The following EFHB variants were observed in gnomAD, a reference collection of about 807,000 sequenced individuals.
EFHB encodes the protein EF-hand domain-containing family member B.
In EFHB, 91 loss-of-function variants were observed where a neutral mutation model predicts 87.2. The observed-to-expected ratio is 1.04, with a 90% CI of 0.88 to 1.24. The LOEUF (loss-of-function observed/expected upper bound fraction) is 1.24, where lower values mean the gene tolerates loss of function less well. EFHB is among the 50% of genes most tolerant of loss of function. The pLI, the probability that EFHB is intolerant of heterozygous loss-of-function variation, is 0.00. For missense variants in EFHB, 1,084 were observed against 998.8 expected (o/e 1.09, Z -1.15); for synonymous variants, 325 against 333.6 (o/e 0.97, Z 0.28).
chr3:19,928,507 C>T (rs559528633), intron 1 of EFHB, among the ~76,000 whole-genome samples: 29 of 152,286 alleles, frequency 1.9e-4, no homozygotes, highest in South Asian at 6.2e-4. Context: ...GACAGTGGTG[C>T]GATCTTGGCT....
chr3:19,888,796 C>T (rs531895694), intron 9 of EFHB, 145 bp from the exon 10 acceptor site: 28 of 682,098 alleles, frequency 4.1e-5, no homozygotes, highest in South Asian at 3.1e-4. Flanking sequence ...GAGTCAAATA[C>T]GCTGGTTAGA....
At chr3:19,927,619 A>G (rs1015854839) in intron 1 of EFHB, among the ~76,000 whole-genome samples, 2 of 152,194 alleles carry the variant, frequency 1.3e-5, no homozygotes, top group African/African-American at 4.8e-5. Context: ...ATCTCTCATT[A>G]AAGTAAGTTC....
chr3:19,901,965 T>A (rs77938057), intron 6 of EFHB, among the ~76,000 whole-genome samples: 2 of 147,828 alleles, frequency 1.4e-5, no homozygotes, highest in Non-Finnish European at 3.0e-5. Context: ...AAAAAAAAAA[T>A]CAGCTCCAAG....
intron 1 of EFHB, among the ~76,000 whole-genome samples, chr3:19,923,102 C>CA (rs950158938): frequency 4.2e-4 from 64 of 151,912 alleles, no homozygotes; most frequent in African/African-American, 1.4e-3. Context: ...CCCGTTGCTA[C>CA]AAAAAAATAT....
chr3:19,924,831 C>T (rs1695562346), intron 1 of EFHB, among the ~76,000 whole-genome samples: 2 of 151,966 alleles, frequency 1.3e-5, no homozygotes, highest in Admixed American at 1.3e-4. Context: ...TGTAACTAAC[C>T]TGCACATTGT....
At chr3:19,886,231 T>C (rs1384048411) in intron 10 of EFHB, among the ~76,000 whole-genome samples, 2 of 152,172 alleles carry the variant, frequency 1.3e-5, no homozygotes, top group African/African-American at 4.8e-5. Context: ...GTAGGGAAGA[T>C]TCTGATGCTT....
chr3:19,901,890 CA>C (rs1305896172), intron 6 of EFHB, among the ~76,000 whole-genome samples: 1 of 150,478 alleles, frequency 6.6e-6, no homozygotes, highest in African/African-American at 2.5e-5. Context: ...GCAGAGGTTG[CA>C]GTGAGCCAAG....
At chr3:19,935,748 A>G (rs1695997669), upstream of EFHB, among the ~76,000 whole-genome samples, 1 of 152,078 alleles carries the variant, frequency 6.6e-6, no homozygotes, top group African/African-American at 2.4e-5. Flanking sequence ...GCAGTGGCTC[A>G]TGCCTGTAAT....
chr3:19,905,035 C>T (rs1341947654), intron 6 of EFHB, among the ~76,000 whole-genome samples: 1 of 152,176 alleles, frequency 6.6e-6, no homozygotes, highest in African/African-American at 2.4e-5. Flanking sequence ...AAAAAGGTCA[C>T]AATTTGAAAA....
intron 5 of EFHB, 72 bp downstream of exon 5, chr3:19,915,231 T>C: frequency 1.1e-6 from 1 of 915,884 alleles, no homozygotes; most frequent in East Asian, 2.5e-5. Context: ...TATGTACCAA[T>C]TTCCTTTATT....
At chr3:19,904,933 G>A (rs777169149) in intron 6 of EFHB, among the ~76,000 whole-genome samples, 1 of 152,104 alleles carries the variant, frequency 6.6e-6, no homozygotes, top group African/African-American at 2.4e-5. Context: ...AAGTTTATGT[G>A]TTGGCTCGGA....
intron 5 of EFHB, among the ~76,000 whole-genome samples, chr3:19,911,804 G>A (rs1209851017): frequency 1.3e-5 from 2 of 151,736 alleles, no homozygotes; most frequent in South Asian, 4.2e-4. Flanking sequence ...AGTCTAAAAG[G>A]GGCAAATCTA....
chr3:19,921,439 G>A (rs1377600670), intron 1 of EFHB, among the ~76,000 whole-genome samples: 1 of 152,004 alleles, frequency 6.6e-6, no homozygotes. Flanking sequence ...AGTGTCTAAT[G>A]TTTTAATATG....
At chr3:19,905,951 C>T (rs995115162) in intron 5 of EFHB, among the ~76,000 whole-genome samples, 6 of 152,138 alleles carry the variant, frequency 3.9e-5, no homozygotes, top group Non-Finnish European at 8.8e-5. Context: ...GGATGCTACA[C>T]ACAACAATAC....
intron 1 of EFHB, among the ~76,000 whole-genome samples, chr3:19,941,868 A>T (rs6798420): frequency 0.17 from 25,549 of 148,014 alleles, 2,140 homozygotes; most frequent in Middle Eastern, 0.21. Flanking sequence ...AAAAAAAAAA[A>T]AAAGGCCAGG....
In EFHB at chr3:19,896,724, A is replaced by G. The variant is rs751173735; in HGVS notation, c.1688T>C (p.Phe563Ser). ...HHLKKVNYQK[F>S]DTLLAAFRHY... ...CCTGAAGGCTGCCAGCAAAGTGTCA[A>G]ACTTTTGGTAATTAACTTTCTTCAG... The change falls in exon 9 of 13, where the codon TTT (phenylalanine) becomes TCT (serine). Residue 563 changes from phenylalanine (F) to serine (S), a missense_variant. Transcript: ENST00000295824. 1.9e-6 allele frequency: 3 copies of G among 1,613,882 alleles called. No homozygotes were observed. The highest frequency in any genetic ancestry group is 2.2e-5 in the East Asian group (1 of 44,894).
chr3:19,915,282 T>G (rs1191462894), intron 5 of EFHB, 21 bp downstream of exon 5: 1 of 1,547,726 alleles, frequency 6.5e-7, no homozygotes, highest in Admixed American at 1.7e-5. Context: ...TCAGGCCCAT[T>G]TTGCATCGGA....
At chr3:19,930,479 T>A (rs1028412547) in intron 1 of EFHB, among the ~76,000 whole-genome samples, 1 of 152,330 alleles carries the variant, frequency 6.6e-6, no homozygotes, top group African/African-American at 2.4e-5. Flanking sequence ...GAGAAAAAAA[T>A]TTCATGATAG....
chr3:19,920,031 C>T (rs1365853739), intron 2 of EFHB, 55 bp from the exon 3 acceptor site: 2 of 1,589,370 alleles, frequency 1.3e-6, no homozygotes, highest in Non-Finnish European at 1.7e-6. Flanking sequence ...AAAATATTAA[C>T]AGGACTGATC....
Sources: allele counts gnomAD v4.1 joint callset (sites outside exome capture counted in the v4.1 genomes callset), GRCh38; gene constraint gnomAD v4.1.1; transcripts MANE v1.5; gene names NCBI Gene and HGNC (gene_info 2026-07-23, HGNC 2026-07-21).